The following F8 variants were observed in gnomAD, a reference collection of about 807,000 sequenced individuals.
The protein encoded by F8 is coagulation factor VIII.
F8 carries 12 observed loss-of-function variants against 140.6 expected under a neutral mutation model. That is an observed-to-expected ratio of 0.09 (90% CI 0.05 to 0.14). The LOEUF (loss-of-function observed/expected upper bound fraction) is 0.14, where lower values mean the gene tolerates loss of function less well. F8 is among the 10% of genes least tolerant of loss of function. The probability of loss-of-function intolerance (pLI) is 1.00; values close to 1 mark genes in which losing one functional copy is unlikely to be tolerated. For missense variants in F8, 1,354 were observed against 1,720.7 expected, an observed-to-expected ratio of 0.79 and a Z score of 3.77; for synonymous variants, 585 against 614.6, an observed-to-expected ratio of 0.95 and a Z score of 0.71.
intron 12 of F8, among the ~76,000 whole-genome samples, chrX:154,949,389 T>C (rs782203120): frequency 2.3e-4 from 26 of 112,463 alleles, no homozygotes; most frequent in Non-Finnish European, 4.7e-4. Flanking sequence ...TTTCTATCCA[T>C]ACTATGTTGC....
chrX:154,920,297 C>G (rs2073122143), intron 14 of F8: 1 of 108,626 alleles, frequency 9.2e-6, no homozygotes, highest in African/African-American at 3.4e-5. Flanking sequence ...TAGTGGTATG[C>G]TTTGGACCTT....
intron 5 of F8, among the ~76,000 whole-genome samples, chrX:154,985,480 C>G (rs1238201459): frequency 9.0e-6 from 1 of 111,617 alleles, no homozygotes; most frequent in Non-Finnish European, 1.9e-5. Flanking sequence ...AGGAAAAAGG[C>G]TGTCTGTCAG....
chrX:154,936,094 A>T (rs782223518), intron 13 of F8, among the ~76,000 whole-genome samples: 1 of 110,694 alleles, frequency 9.0e-6, no homozygotes, highest in Non-Finnish European at 1.9e-5. Flanking sequence ...AGTTGAATGC[A>T]AATGGGAATT....
chrX:154,892,994 C>A (rs1427417978), intron 22 of F8, among the ~76,000 whole-genome samples: 2 of 111,946 alleles, frequency 1.8e-5, no homozygotes, highest in African/African-American at 6.5e-5. Flanking sequence ...AGCCTGCTAC[C>A]TGGAGGCTTC....
At chrX:154,855,975 T>C (rs1254748132) in intron 25 of F8, among the ~76,000 whole-genome samples, 1 of 111,573 alleles carries the variant, frequency 9.0e-6, no homozygotes, top group African/African-American at 3.3e-5. Flanking sequence ...TAGGCCAAAT[T>C]TATTGACATG....
intron 1 of F8, among the ~76,000 whole-genome samples, chrX:155,008,390 C>A (rs1315524680): frequency 9.0e-6 from 1 of 111,684 alleles, no homozygotes; most frequent in African/African-American, 3.3e-5. Context: ...GAGTATACGG[C>A]GGGTGCCACC....
intron 12 of F8, among the ~76,000 whole-genome samples, chrX:154,951,637 T>G (rs2124087119): frequency 9.0e-6 from 1 of 111,677 alleles, no homozygotes; most frequent in African/African-American, 3.2e-5. Context: ...ATTTTACTGC[T>G]AATGGAAATA....
intron 13 of F8, among the ~76,000 whole-genome samples, chrX:154,937,542 C>T (rs782567789): frequency 9.0e-4 from 99 of 109,894 alleles, no homozygotes; most frequent in Non-Finnish European, 1.4e-3. Context: ...GGTATGAAAA[C>T]GGAGACATCA....
chrX:154,926,479 G>A (rs367930088), intron 14 of F8, among the ~76,000 whole-genome samples: 21 of 111,766 alleles, frequency 1.9e-4, no homozygotes, highest in Non-Finnish European at 3.6e-4. Context: ...CAGTTCAAGC[G>A]ATTCTCGTGC....
intron 6 of F8, among the ~76,000 whole-genome samples, chrX:154,980,943 C>G (rs782627720): frequency 2.7e-5 from 3 of 112,312 alleles, no homozygotes; most frequent in African/African-American, 9.7e-5. Context: ...TGCACTCCAA[C>G]CTAGGCAACA....
In F8 at chrX:154,836,469, C is replaced by T. The variant is rs2072476375; in HGVS notation, c.*1128G>A. ...GACTGGAGTGTTTTTTCTGTTTTCA[C>T]CAGTCCAATTTTCTTCTGACCTCCT... On this transcript the variant is annotated 3_prime_UTR_variant, in exon 26 of 26. Coordinates refer to ENST00000360256, the MANE Select transcript of F8 (RefSeq NM_000132.4). 9.0e-6 allele frequency: 1 copy of T among 111,428 alleles called. No individual in the cohort carries two copies. The highest frequency in any genetic ancestry group is 3.3e-5 in the African/African-American group (1 of 30,628). The allele number at this position is 111,428 out of a possible 1,213,427, so 9.2% of individuals were successfully genotyped here.
chrX:154,979,564 G>A (rs1324593671), intron 6 of F8, among the ~76,000 whole-genome samples: 2 of 112,019 alleles, frequency 1.8e-5, no homozygotes, highest in Non-Finnish European at 3.8e-5. Context: ...TGGTGAAGGT[G>A]GGGTTGCTTT....
rs368503661 is a variant in F8, at chrX:154,996,977, A to C, written c.384T>G (p.Ser128=). The C allele has an allele frequency of 1.7e-6, 2 of 1,211,554 alleles. No individual in the cohort carries two copies. Among genetic ancestry groups the C allele is most frequent in the Non-Finnish European group, 2.2e-6 (2 of 895,181 alleles). ...HAVGVSYWKA[S]EGAEYDDQTS... is the part of the protein sequence containing the mutation. ...ATAGGAGGGTATTTTACTCACCCTC[A>C]GAAGCTTTCCAGTAGGATACACCAA... is the stretch of plus-strand genomic sequence containing the variant. The change falls in exon 3 of 26, where the codon TCT becomes TCG. Residue 128 remains serine, a synonymous_variant. Transcript: ENST00000360256.
chrX:154,965,897 G>A (rs1378738660), intron 9 of F8, 73 bp downstream of exon 9: 1 of 994,326 alleles, frequency 1.0e-6, no homozygotes, highest in African/African-American at 1.9e-5. Flanking sequence ...GCTGAATTAT[G>A]AGGTATTTTA....
intron 12 of F8, among the ~76,000 whole-genome samples, chrX:154,951,233 G>A (rs368886985): frequency 1.8e-5 from 2 of 111,349 alleles, no homozygotes; most frequent in Non-Finnish European, 3.8e-5. Context: ...ATCCATCTAC[G>A]AAATAAATCA....
chrX:154,938,024 T>C (rs957121815), intron 13 of F8, among the ~76,000 whole-genome samples: 4 of 112,112 alleles, frequency 3.6e-5, no homozygotes, highest in South Asian at 3.6e-4. Context: ...GGTACAAAGA[T>C]AGACCAATAA....
chrX:154,940,357 A>T (rs1342087086), intron 13 of F8, among the ~76,000 whole-genome samples: 5 of 112,566 alleles, frequency 4.4e-5, no homozygotes, highest in Non-Finnish European at 9.4e-5. Context: ...CACGAGAACT[A>T]TGTGATGAAT....
intron 6 of F8, among the ~76,000 whole-genome samples, chrX:154,971,001 G>A (rs1198584945): frequency 9.0e-6 from 1 of 110,771 alleles, no homozygotes; most frequent in Admixed American, 9.7e-5. Flanking sequence ...TGAAAAATAC[G>A]GAAAAGAACT....
intron 22 of F8, among the ~76,000 whole-genome samples, chrX:154,870,128 C>G (rs1315471921): frequency 8.9e-6 from 1 of 112,166 alleles, no homozygotes; most frequent in Non-Finnish European, 1.9e-5. Context: ...CAAAGAGGAG[C>G]TGGTACCATT....
Sources: allele counts gnomAD v4.1 joint callset (sites outside exome capture counted in the v4.1 genomes callset), GRCh38; gene constraint gnomAD v4.1.1; transcripts MANE v1.5; gene names NCBI Gene and HGNC (gene_info 2026-07-23, HGNC 2026-07-21).